IL1RAPL2: variants seen among roughly 807,000 people sequenced by gnomAD.
The protein encoded by IL1RAPL2 is X-linked interleukin-1 receptor accessory protein-like 2.
Under a neutral mutation model 44.1 loss-of-function variants are expected in IL1RAPL2, and 3 were observed. That is an observed-to-expected ratio of 0.07 (90% confidence interval 0.03 to 0.18). IL1RAPL2 has a LOEUF of 0.18. Ranked by LOEUF, IL1RAPL2 falls within the 10% of genes least tolerant of loss-of-function variation. The pLI, the probability that IL1RAPL2 is intolerant of heterozygous loss-of-function variation, is 1.00. For missense variants in IL1RAPL2, 391 were observed against 496.4 expected (o/e 0.79, Z 2.02); for synonymous variants, 181 against 178.8 (o/e 1.01, Z -0.10).
intron 5 of IL1RAPL2, among the ~76,000 whole-genome samples, chrX:105,409,845 T>TAGATAGATAGATAGATAGATAGAC (rs757454072): frequency 4.7e-5 from 4 of 85,951 alleles, no homozygotes; most frequent in African/African-American, 8.0e-5. Context: ...GATAGATAGA[T>TAGATAGATAGATAGATAGATAGAC]AGACAGACAG....
chrX:104,791,022 G>A (rs1446459692), intron 2 of IL1RAPL2, among the ~76,000 whole-genome samples: 2 of 111,452 alleles, frequency 1.8e-5, no homozygotes, highest in African/African-American at 6.5e-5. Context: ...CTATGAGATG[G>A]GTACTACTAG....
intron 6 of IL1RAPL2, among the ~76,000 whole-genome samples, chrX:105,563,174 C>A (rs1283249279): frequency 9.0e-6 from 1 of 111,587 alleles, no homozygotes. Context: ...TGAATTAATT[C>A]ATTTTATCTT....
At chrX:105,504,783 A>C (rs999019444) in intron 6 of IL1RAPL2, among the ~76,000 whole-genome samples, 2 of 111,845 alleles carry the variant, frequency 1.8e-5, no homozygotes, top group Non-Finnish European at 3.8e-5. Context: ...TAGTTTCTAG[A>C]TTCTTCCTGC....
chrX:104,725,060 G>C (rs1238810416), intron 2 of IL1RAPL2, among the ~76,000 whole-genome samples: 1 of 110,933 alleles, frequency 9.0e-6, no homozygotes, highest in Admixed American at 9.6e-5. Flanking sequence ...ACAGGCCCTG[G>C]TGTGTGATGT....
intron 5 of IL1RAPL2, among the ~76,000 whole-genome samples, chrX:105,455,061 A>AAAAGTAC (rs2036045865): frequency 8.9e-6 from 1 of 112,097 alleles, no homozygotes; most frequent in Non-Finnish European, 1.9e-5. Flanking sequence ...ATATATAGGA[A>AAAAGTAC]AAAGTACAAT....
At chrX:105,736,872 T>TA (rs1463331900) in intron 7 of IL1RAPL2, among the ~76,000 whole-genome samples, 1 of 111,836 alleles carries the variant, frequency 8.9e-6, no homozygotes, top group African/African-American at 3.2e-5. Flanking sequence ...ATTATTGGAT[T>TA]ATTGGGTATA....
chrX:105,357,883 A>G (rs73520903), intron 5 of IL1RAPL2, among the ~76,000 whole-genome samples: 14,077 of 107,793 alleles, frequency 0.13, 2,289 homozygotes, highest in African/African-American at 0.45. Flanking sequence ...GGTGGCTCAT[A>G]CCTGTAATTC....
intron 6 of IL1RAPL2, among the ~76,000 whole-genome samples, chrX:105,555,847 T>G (rs1042076524): frequency 8.9e-6 from 1 of 111,841 alleles, no homozygotes; most frequent in Non-Finnish European, 1.9e-5. Flanking sequence ...GAAAGATTAT[T>G]GGGAGTTTCA....
intron 5 of IL1RAPL2, among the ~76,000 whole-genome samples, chrX:105,340,347 C>T (rs184002611): frequency 1.4e-3 from 156 of 111,674 alleles, no homozygotes; most frequent in Admixed American, 2.0e-3. Context: ...GGACTCCTCA[C>T]CACTCTCTCT....
rs1931294497 is a variant in IL1RAPL2 at position 104,702,570 on chromosome X, T to A, written c.82+43575T>A. On this transcript the variant is annotated intron_variant, in intron 2 of 10. Coordinates refer to ENST00000372582, the MANE Select transcript of IL1RAPL2 (RefSeq NM_017416.2). ...AGTATTTTGTAAATAAGGGATAAAG[T>A]CCTCCTACACATTAATTTCTTGAAA... Among the ~76,000 whole-genome samples, 4 of 112,334 alleles carry A rather than the reference T, an allele frequency of 3.6e-5. No individual in the cohort carries two copies. In the South Asian group the frequency reaches 1.5e-3, roughly 42 times the overall value.
At chrX:104,946,760 G>T (rs1164644744) in intron 2 of IL1RAPL2, among the ~76,000 whole-genome samples, 3 of 98,582 alleles carry the variant, frequency 3.0e-5, no homozygotes, top group African/African-American at 1.1e-4. Flanking sequence ...CTTTTTTATG[G>T]CTGCATAGTA....
chrX:104,851,975 C>T (rs1326789138), intron 2 of IL1RAPL2, among the ~76,000 whole-genome samples: 1 of 111,359 alleles, frequency 9.0e-6, no homozygotes, highest in Non-Finnish European at 1.9e-5. Context: ...AATTTGCCCC[C>T]ATGACCCAAA....
At chrX:105,477,959 A>C (rs2036208974) in intron 5 of IL1RAPL2, among the ~76,000 whole-genome samples, 1 of 111,262 alleles carries the variant, frequency 9.0e-6, no homozygotes, top group Non-Finnish European at 1.9e-5. Context: ...TTAATTAATA[A>C]AATTGTGTTT....
At chrX:105,029,161 A>G (rs950689347) in intron 2 of IL1RAPL2, among the ~76,000 whole-genome samples, 2 of 108,087 alleles carry the variant, frequency 1.9e-5, no homozygotes, top group African/African-American at 6.7e-5. Context: ...CAAGTTAATG[A>G]TTATAATGAC....
At chrX:105,744,918 ATC>A (rs1458289343) in intron 8 of IL1RAPL2, among the ~76,000 whole-genome samples, 1 of 111,394 alleles carries the variant, frequency 9.0e-6, no homozygotes, top group East Asian at 2.8e-4. Context: ...ATATCATTGA[ATC>A]TCTCTCTCTT....
intron 5 of IL1RAPL2, among the ~76,000 whole-genome samples, chrX:105,471,691 T>C (rs2089370083): frequency 1.8e-5 from 2 of 110,443 alleles, no homozygotes; most frequent in Admixed American, 1.9e-4. Flanking sequence ...TAGACAAAGA[T>C]CCTAAAGGGT....
At chrX:104,618,380 G>A (rs1204781579) in intron 1 of IL1RAPL2, among the ~76,000 whole-genome samples, 1 of 112,399 alleles carries the variant, frequency 8.9e-6, no homozygotes, top group Non-Finnish European at 1.9e-5. Context: ...TCCACTTACA[G>A]GTTCTCTGAT....
At chrX:104,908,155 G>C (rs1482319787) in intron 2 of IL1RAPL2, among the ~76,000 whole-genome samples, 2 of 111,085 alleles carry the variant, frequency 1.8e-5, no homozygotes, top group African/African-American at 6.6e-5. Context: ...CCATTTGCTT[G>C]GTAGATTTTC....
chrX:104,851,217 A>G (rs1922216685), intron 2 of IL1RAPL2, among the ~76,000 whole-genome samples: 1 of 112,046 alleles, frequency 8.9e-6, no homozygotes, highest in African/African-American at 3.2e-5. Flanking sequence ...CAAATCATTT[A>G]CAGACACATG....
Sources: allele counts gnomAD v4.1 joint callset (sites outside exome capture counted in the v4.1 genomes callset), GRCh38; gene constraint gnomAD v4.1.1; transcripts MANE v1.5; gene names NCBI Gene and HGNC (gene_info 2026-07-23, HGNC 2026-07-21).